Variants in PHF14 observed in about 807,000 individuals in gnomAD.
PHF14 encodes the protein PHD finger protein 14.
PHF14 carries 55 observed loss-of-function variants against 117.9 expected under a neutral mutation model. The observed-to-expected ratio is 0.47, with a 90% CI of 0.38 to 0.58. The LOEUF (loss-of-function observed/expected upper bound fraction) is 0.58, where lower values mean the gene tolerates loss of function less well. PHF14 is among the 20% of genes least tolerant of loss of function. PHF14 has a pLI of 0.00. For synonymous variants in PHF14, 409 were observed against 368.6 expected, an observed-to-expected ratio of 1.11 and a Z score of -1.26; for missense variants, 978 against 1,122.2, an observed-to-expected ratio of 0.87 and a Z score of 1.84.
At chr7:11,165,685 A>G (rs1789182613) in intron 17 of PHF14, among the ~76,000 whole-genome samples, 1 of 152,194 alleles carries the variant, frequency 6.6e-6, no homozygotes, top group African/African-American at 2.4e-5. Context: ...CCTAAGAGGA[A>G]GGAAAAGAAT....
chr7:11,009,206 T>C (rs1783251071), intron 4 of PHF14, among the ~76,000 whole-genome samples: 1 of 152,146 alleles, frequency 6.6e-6, no homozygotes, highest in Admixed American at 6.5e-5. Flanking sequence ...ATACTGCAGA[T>C]GAAATAACTA....
chr7:11,002,739 C>T (rs551112503), intron 4 of PHF14, among the ~76,000 whole-genome samples: 4 of 151,944 alleles, frequency 2.6e-5, no homozygotes, highest in South Asian at 4.2e-4. Context: ...CCACCGCGCC[C>T]GGCCAAAAAT....
At chr7:11,032,832 G>T (rs893816176) in intron 7 of PHF14, among the ~76,000 whole-genome samples, 1 of 152,200 alleles carries the variant, frequency 6.6e-6, no homozygotes. Flanking sequence ...GTCAGAATTT[G>T]CAGAGTTGGG....
In PHF14 at chr7:11,122,355, A is replaced by G. The variant is rs1327631192; in HGVS notation, c.2772+10888A>G. 3.4e-5 allele frequency among the ~76,000 whole-genome samples: 3 copies of G among 88,932 alleles called. 1 individual carries two copies. The highest frequency in any genetic ancestry group is 1.7e-4 in the African/African-American group (3 of 17,636). The allele number at this position is 88,932 out of a possible 152,430, so 58.3% of individuals were successfully genotyped here. The stretch of plus-strand genomic sequence containing the variant: ...TTTATATATATATATATATATATAC[A>G]CACACACACACACACACACACACAC... On this transcript the variant is annotated intron_variant, in intron 17 of 17. Coordinates refer to ENST00000634607, the MANE Select transcript of PHF14 (RefSeq NM_001007157.2).
intron 17 of PHF14, among the ~76,000 whole-genome samples, chr7:11,160,406 C>A (rs1788989961): frequency 6.6e-6 from 1 of 152,108 alleles, no homozygotes; most frequent in African/African-American, 2.4e-5. Context: ...TTATTTTCTT[C>A]TGGCTATATA....
intron 17 of PHF14, among the ~76,000 whole-genome samples, chr7:11,159,891 G>A (rs565838979): frequency 7.9e-5 from 12 of 152,018 alleles, no homozygotes; most frequent in Non-Finnish European, 1.0e-4. Context: ...GCAATTTTCC[G>A]CTTCTATCAA....
intron 4 of PHF14, among the ~76,000 whole-genome samples, chr7:11,009,152 T>C (rs1176076419): frequency 6.6e-6 from 1 of 152,210 alleles, no homozygotes; most frequent in African/African-American, 2.4e-5. Context: ...ATATACCTGT[T>C]TTATATATAC....
intron 17 of PHF14, among the ~76,000 whole-genome samples, chr7:11,141,854 C>T (rs1011717488): frequency 2.7e-5 from 4 of 149,676 alleles, no homozygotes; most frequent in African/African-American, 9.8e-5. Flanking sequence ...CTACTTGATA[C>T]TGCCTTTTTC....
intron 4 of PHF14, among the ~76,000 whole-genome samples, chr7:10,996,024 C>T (rs1369661575): frequency 1.3e-5 from 2 of 152,234 alleles, no homozygotes; most frequent in East Asian, 3.8e-4. Context: ...GAGTGGGCGC[C>T]AAGGCCGAGG....
rs201917441 is a variant in PHF14 at position 11,083,663 on chromosome 7, A to G, written c.2654+21578A>G. 3.1e-4 allele frequency among the ~76,000 whole-genome samples: 47 copies of G among 151,922 alleles called. No individual in the cohort carries two copies. The East Asian group carries it at 8.5e-3, about 28-fold the overall frequency. On this transcript the variant is annotated intron_variant, in intron 16 of 17. Coordinates refer to ENST00000634607, the MANE Select transcript of PHF14 (RefSeq NM_001007157.2). ...TTTTTAGTAGAGACAGGGTTTCACCATCTTGGCCAGGCTGGTCTCAAACTC... is the reference window on the plus strand; with the variant it reads ...TTTTTAGTAGAGACAGGGTTTCACCGTCTTGGCCAGGCTGGTCTCAAACTC...
rs762341237 is a variant in PHF14, at chr7:11,051,668, T to C, written c.2369T>C (p.Met790Thr). The change falls in exon 14 of 18, where the codon ATG (methionine) becomes ACG (threonine). Residue 790 changes from methionine (M) to threonine (T), a missense_variant. Transcript: ENST00000634607. The part of the protein sequence containing the change: ...GSSDMEADMA[M>T]ETLPDGTKRS... Reference sequence around the variant, plus strand: ...AGTGACATGGAAGCAGATATGGCCATGGAAACCCTACCAGATGGAACCAAA... The same window carrying C: ...AGTGACATGGAAGCAGATATGGCCACGGAAACCCTACCAGATGGAACCAAA... 1 of 1,613,586 alleles carries C rather than the reference T, an allele frequency of 6.2e-7. No individual in the cohort carries two copies. Among genetic ancestry groups the C allele is most frequent in the Non-Finnish European group, 8.5e-7 (1 of 1,179,702 alleles).
At chr7:10,979,905 T>G (rs1781995384) in intron 2 of PHF14, among the ~76,000 whole-genome samples, 1 of 152,114 alleles carries the variant, frequency 6.6e-6, no homozygotes, top group South Asian at 2.1e-4. Flanking sequence ...GGTAAGCTAT[T>G]AGGAGTTGGT....
intron 17 of PHF14, among the ~76,000 whole-genome samples, chr7:11,157,081 A>C (rs1211687423): frequency 1.3e-5 from 2 of 152,116 alleles, no homozygotes; most frequent in Admixed American, 6.6e-5. Context: ...TTTATTATAT[A>C]CTTTCTCCAT....
At chr7:11,145,769 C>T (rs937283991) in intron 17 of PHF14, among the ~76,000 whole-genome samples, 5 of 152,116 alleles carry the variant, frequency 3.3e-5, no homozygotes, top group African/African-American at 1.2e-4. Context: ...ATATTATTAT[C>T]TTATTTTATT....
At chr7:11,110,923 A>C (rs570140216) in intron 16 of PHF14, 2 of 152,748 alleles carry the variant, frequency 1.3e-5, no homozygotes, top group African/African-American at 4.8e-5. Flanking sequence ...TTTTTAAATA[A>C]TCAAAATGTA....
Position 10,982,696 on chromosome 7 carries a change from C to T in PHF14, c.437C>T (p.Ala146Val). 3.1e-6 allele frequency: 5 copies of T among 1,607,110 alleles called. No individual in the cohort carries two copies. The highest frequency in any genetic ancestry group is 4.2e-6 in the Non-Finnish European group (5 of 1,176,578). Residue 146 changes from alanine to valine, a missense_variant, in exon 3 of 18, where the codon GCT becomes GTT. Physicochemically the swap from Ala to Val is moderately conservative, Grantham distance 64 (BLOSUM62 0). Around this residue, in one of 7 missense-constraint regions of PHF14, gnomAD observed 414 missense variants for 376.4 expected, o/e 1.10. Transcript: ENST00000634607. ...EKATVSENVA[A>V]SAAATTPATS... Reference sequence around the variant, plus strand: ...GCAACAGTATCTGAGAATGTGGCTGCTTCTGCTGCTGCCACCACACCAGCC... The same window carrying T: ...GCAACAGTATCTGAGAATGTGGCTGTTTCTGCTGCTGCCACCACACCAGCC...
intron 4 of PHF14, among the ~76,000 whole-genome samples, chr7:11,009,561 A>T (rs1223658254): frequency 1.3e-5 from 2 of 152,170 alleles, no homozygotes; most frequent in African/African-American, 4.8e-5. Context: ...TCCCATACTC[A>T]TGTTTTATAT....
At chr7:10,983,252 A>T (rs1782104968) in intron 3 of PHF14, 93 bp downstream of exon 3, 1 of 1,390,856 alleles carries the variant, frequency 7.2e-7, no homozygotes, top group Non-Finnish European at 9.6e-7. Flanking sequence ...GCTTCCTTGA[A>T]ATCCTATTTA....
At chr7:11,141,641 A>G (rs572636350) in intron 17 of PHF14, among the ~76,000 whole-genome samples, 1 of 152,186 alleles carries the variant, frequency 6.6e-6, no homozygotes, top group South Asian at 2.1e-4. Context: ...GCTGTTTCCC[A>G]CAGGGAAGTT....
Sources: allele counts gnomAD v4.1 joint callset (sites outside exome capture counted in the v4.1 genomes callset), GRCh38; gene constraint gnomAD v4.1.1; regional missense constraint gnomAD v4.1.1; transcripts MANE v1.5; gene names NCBI Gene and HGNC (gene_info 2026-07-23, HGNC 2026-07-21).